The following PKD1 variants were observed in gnomAD, a reference collection of about 807,000 sequenced individuals.
PKD1 encodes polycystin 1, transient receptor potential channel interacting, also known as polycystin-1.
In PKD1, 81 loss-of-function variants were observed where a neutral mutation model predicts 361.7. That is an observed-to-expected ratio of 0.22 (90% CI 0.19 to 0.27). The LOEUF is 0.27. Among genes scored for constraint, PKD1 ranks in the 10% least tolerant of loss-of-function variants. The pLI, the probability that PKD1 is intolerant of heterozygous loss-of-function variation, is 1.00. For missense variants in PKD1, 6,399 were observed against 6,118.3 expected (o/e 1.05, Z -1.53); for synonymous variants, 3,615 against 2,818.3 (o/e 1.28, Z -8.95).
At position 2,111,447 on chromosome 16, in the gene PKD1, G is replaced by C. The variant is rs781168046; in HGVS notation, c.3720C>G (p.Asn1240Lys). ...VVSAAVQTGD[N>K]ITWTFDMGDG... ...CCCCCATGTCGAAGGTCCACGTGATGTTGTCGCCCGTCTGCACCGCGGCGC... is the reference window on the plus strand; with the variant it reads ...CCCCCATGTCGAAGGTCCACGTGATCTTGTCGCCCGTCTGCACCGCGGCGC... The change falls in exon 15 of 46, where the codon AAC (asparagine) becomes AAG (lysine). Residue 1240 changes from asparagine (N) to lysine (K), a missense_variant. Asn to Lys is a moderately conservative substitution (Grantham distance 94). Coordinates refer to ENST00000262304, the MANE Select transcript of PKD1 (RefSeq NM_001009944.3). 3 of 1,611,738 alleles carry C rather than the reference G, an allele frequency of 1.9e-6. No homozygotes were observed. Among genetic ancestry groups the C allele is most frequent in the Non-Finnish European group, 2.5e-6 (3 of 1,179,532 alleles).
intron 1 of PKD1, among the ~76,000 whole-genome samples, chr16:2,121,565 T>C (rs906178851): frequency 6.6e-6 from 1 of 152,034 alleles, no homozygotes; most frequent in African/African-American, 2.4e-5. Context: ...ATGTCTCTCT[T>C]TTCAGAGCTG....
In PKD1 at chr16:2,100,375, C is replaced by T; in HGVS notation, c.9568+21G>A. On this transcript the variant is annotated intron_variant, in intron 27 of 45. Transcript: ENST00000262304. This position sits in a 1 kb window ranked among gnomAD's most constrained non-coding sequence, Gnocchi z 4.4. ...CCAATGCGGGGGCAGAGGGGCAGAG[C>T]TTGGCAGGGTCCGCACAAACCTTTG... The T allele has an allele frequency of 1.5e-5, 24 of 1,611,188 alleles. No individual in the cohort carries two copies. Among genetic ancestry groups the T allele is most frequent in the Non-Finnish European group, 1.6e-5 (19 of 1,179,698 alleles).
rs752848157 is a variant in PKD1, at chr16:2,117,520, C to T, written c.1354G>A (p.Val452Met). Residue 452 changes from valine to methionine, a missense_variant, in exon 6 of 46, where the codon GTG (valine) becomes ATG (methionine). By Grantham distance (21) the Val-to-Met change is conservative. Transcript: ENST00000262304. ...AALAMVDSPA[V>M]QRFLVSRVTR... ...ACCCGGGAGACCAGGAAGCGCTGCA[C>T]GGCGGGACTGTCCACCATTGCCAGG... 3.6e-5 allele frequency: 57 copies of T among 1,584,302 alleles called. No homozygotes were observed. The highest frequency in any genetic ancestry group is 7.1e-5 in the Admixed American group (4 of 56,338).
chr16:2,108,162 G>T, intron 15 of PKD1, 90 bp downstream of exon 15: 2 of 1,471,516 alleles, frequency 1.4e-6, no homozygotes, highest in South Asian at 1.2e-5. Flanking sequence ...CACTGAGGAC[G>T]GGCCAGCCCT....
chr16:2,090,355 T>C lies in PKD1; in HGVS notation c.12374A>G (p.Gln4125Arg). ...GAACAACTCCACCATCTCGTAGTCC[T>C]GGGGCTCCCAGGCCGGCCGGTACAG... ...GELYRPAWEPQDYEMVELFLR... is the reference protein window; with the variant it reads ...GELYRPAWEPRDYEMVELFLR... The change falls in exon 45 of 46, where the codon CAG (glutamine) becomes CGG (arginine). Residue 4125 changes from glutamine (Q) to arginine (R), a missense_variant. By Grantham distance (43) the Gln-to-Arg change is conservative. Transcript: ENST00000262304. 3 of 1,612,562 alleles carry C rather than the reference T, an allele frequency of 1.9e-6. No individual in the cohort carries two copies. The East Asian group carries it at 6.7e-5, about 36-fold the overall frequency.
intron 34 of PKD1, among the ~76,000 whole-genome samples, chr16:2,094,439 G>A (rs1048590778): frequency 3.3e-5 from 5 of 152,130 alleles, no homozygotes; most frequent in Admixed American, 6.5e-5. Flanking sequence ...TCCCTCTCCC[G>A]CCCGCTTGCT....
chr16:2,111,266 G>T lies in PKD1; in HGVS notation c.3901C>A (p.Pro1301Thr). The T allele has an allele frequency of 6.2e-7, 1 of 1,609,870 alleles. No homozygotes were observed. Among genetic ancestry groups the T allele is most frequent in the Non-Finnish European group, 8.5e-7 (1 of 1,179,552 alleles). ...VFVLEVLRVE[P>T]AACIPTQPDA... is the part of the protein sequence containing the mutation. ...GGCTGCGTGGGGATGCAGGCGGCGG[G>T]TTCAACGCGCAGCACCTCCAGGACG... is the stretch of plus-strand genomic sequence containing the variant. The change falls in exon 15 of 46, where the codon CCC becomes ACC. Residue 1301 changes from proline (P) to threonine (T), a missense_variant. Physicochemically the swap from Pro to Thr is conservative, Grantham distance 38. Coordinates refer to ENST00000262304, the MANE Select transcript of PKD1 (RefSeq NM_001009944.3).
chr16:2,111,695 G>C lies in PKD1; in HGVS notation c.3472C>G (p.Leu1158Val), dbSNP rs1394517570. Residue 1158 changes from leucine (L) to valine (V), a missense_variant, in exon 15 of 46, where the codon CTT (leucine) becomes GTT (valine). Physicochemically the swap from Leu to Val is conservative, Grantham distance 32. Coordinates refer to ENST00000262304, the MANE Select transcript of PKD1 (RefSeq NM_001009944.3). ...CCGTCCCCGAAGTCCCACGTGTAAA[G>C]AACACCCCCAGGCGAGGGCAGCGGG... ...PHPLPSPGGV[L>V]YTWDFGDGSP... 2 of 1,582,614 alleles carry C rather than the reference G, an allele frequency of 1.3e-6. No homozygotes were observed. Among genetic ancestry groups the C allele is most frequent in the Admixed American group, 1.8e-5 (1 of 55,260 alleles).
At chr16:2,093,362 G>A in intron 37 of PKD1, 182 bp downstream of exon 37, 1 of 704,010 alleles carries the variant, frequency 1.4e-6, no homozygotes, top group Non-Finnish European at 2.4e-6. Flanking sequence ...GCCCTGGCAG[G>A]GACTGGGGCA....
In PKD1 at chr16:2,109,432, G is replaced by A. The variant is rs754982374; in HGVS notation, c.5735C>T (p.Ala1912Val). The A allele has an allele frequency of 2.5e-6, 4 of 1,604,514 alleles. No individual in the cohort carries two copies. Among genetic ancestry groups the A allele is most frequent in the East Asian group, 2.2e-5 (1 of 44,872 alleles). The change falls in exon 15 of 46, where the codon GCT becomes GTT. Residue 1912 changes from alanine to valine, a missense_variant. By Grantham distance (64) the Ala-to-Val change is moderately conservative. Transcript: ENST00000262304. ...GQLVHFQILL[A>V]AGSAVTFRLQ... Reference sequence around the variant, plus strand: ...GCGGAAGGTGACAGCTGAGCCGGCAGCCAGCAGGATCTGAAAATGGACCAG... The same window carrying A: ...GCGGAAGGTGACAGCTGAGCCGGCAACCAGCAGGATCTGAAAATGGACCAG...
chr16:2,088,860 C>G lies in PKD1; in HGVS notation c.*867G>C. The stretch of plus-strand genomic sequence containing the variant: ...CCTTGAGGCTGCCTGGGCCATACAG[C>G]ACACTCGCGCGTGCGCGCGCGCACA... On this transcript the variant is annotated 3_prime_UTR_variant, in exon 46 of 46. Coordinates refer to ENST00000262304, the MANE Select transcript of PKD1 (RefSeq NM_001009944.3). 1 of 555,230 alleles carries G rather than the reference C, an allele frequency of 1.8e-6. No homozygotes were observed. Among genetic ancestry groups the G allele is most frequent in the Non-Finnish European group, 3.2e-6 (1 of 313,402 alleles). The allele number at this position is 555,230 out of a possible 1,614,324, so 34.4% of individuals were successfully genotyped here.
chr16:2,102,413 C>T lies in PKD1; in HGVS notation c.9169G>A (p.Val3057Met), dbSNP rs778055216. ...ACAAAGCGGACATGGCTTGGGGGCA[C>T]GAAGAGGCTGGCGCCGAAGGCGGTG... The part of the protein sequence containing the change: ...HLTAFGASLF[V>M]PPSHVRFVFP... The change falls in exon 25 of 46, where the codon GTG becomes ATG. Residue 3057 changes from valine (V) to methionine (M), a missense_variant. Transcript: ENST00000262304. 3.8e-4 allele frequency: 586 copies of T among 1,556,374 alleles called. No homozygotes were observed. The highest frequency in any genetic ancestry group is 1.0e-3 in the Admixed American group (54 of 51,500).
rs751790528 is a variant in PKD1, at chr16:2,100,319, C to T, written c.9569-10G>A. 49 of 1,610,006 alleles carry T rather than the reference C, an allele frequency of 3.0e-5. No homozygotes were observed. Among genetic ancestry groups the T allele is most frequent in the Non-Finnish European group, 3.9e-5 (46 of 1,179,250 alleles). On this transcript the variant is annotated splice_polypyrimidine_tract_variant and intron_variant, in intron 27 of 45. Coordinates refer to ENST00000262304, the MANE Select transcript of PKD1 (RefSeq NM_001009944.3). The surrounding 1 kb of genome is among the most constrained non-coding windows in gnomAD (Gnocchi z 4.4). ...CAGGCAGGGCTGAGCCCTGCAGAGG[C>T]GCAGGAGGGAGGTCAGGCTCGCAGG...
chr16:2,110,775 C>T lies in PKD1; in HGVS notation c.4392G>A (p.Glu1464=), dbSNP rs374303034. ...CCTTGATGCTGGTGACCAGCACGGG[C>T]TCCTGCACCTCCACCAGGGCTGAGT... is the stretch of plus-strand genomic sequence containing the variant. ...ANDSALVEVQ[E]PVLVTSIKVN... is the part of the protein sequence containing the mutation. The change falls in exon 15 of 46, where the codon GAG becomes GAA. Residue 1464 remains glutamate (E), a synonymous_variant. Coordinates refer to ENST00000262304, the MANE Select transcript of PKD1 (RefSeq NM_001009944.3). 5.0e-6 allele frequency: 8 copies of T among 1,610,816 alleles called. No individual in the cohort carries two copies. The highest frequency in any genetic ancestry group is 1.3e-5 in the African/African-American group (1 of 74,872).
intron 1 of PKD1, among the ~76,000 whole-genome samples, chr16:2,124,033 G>A (rs1387827804): frequency 1.3e-5 from 2 of 152,164 alleles, no homozygotes; most frequent in Non-Finnish European, 2.9e-5. Context: ...GCTCCTTAGC[G>A]GCTGCTGGGG....
At position 2,092,446 on chromosome 16, in the gene PKD1, G is replaced by T. The variant is rs530595186; in HGVS notation, c.11269+34C>A. On this transcript the variant is annotated intron_variant, in intron 39 of 45. Coordinates refer to ENST00000262304, the MANE Select transcript of PKD1 (RefSeq NM_001009944.3). ...AGGCTGCTCTCTCAACAAGAGGAAC[G>T]ATTTAAGTCTTGGGGCACGCCCTGC... is the stretch of plus-strand genomic sequence containing the variant. 4 of 1,400,768 alleles carry T rather than the reference G, an allele frequency of 2.9e-6. No individual in the cohort carries two copies. The East Asian group carries it at 9.2e-5, about 32-fold the overall frequency. The allele number at this position is 1,400,768 out of a possible 1,614,324, so 86.8% of individuals were successfully genotyped here.
chr16:2,101,380 G>C (rs1386805892), intron 26 of PKD1, among the ~76,000 whole-genome samples: 1 of 152,146 alleles, frequency 6.6e-6, no homozygotes, highest in Non-Finnish European at 1.5e-5. Context: ...AGGTGTGGTG[G>C]CTCACACCTG....
Position 2,100,531 on chromosome 16 carries a change from C to T in PKD1, c.9433G>A (p.Val3145Met), listed in dbSNP as rs751313116. 2 of 1,610,498 alleles carry T rather than the reference C, an allele frequency of 1.2e-6. No homozygotes were observed. Among genetic ancestry groups the T allele is most frequent in the South Asian group, 2.2e-5 (2 of 90,976 alleles). The change falls in exon 27 of 46, where the codon GTG (valine) becomes ATG (methionine). Residue 3145 changes from valine (V) to methionine (M), a missense_variant. Physicochemically the swap from Val to Met is conservative, Grantham distance 21 (BLOSUM62 1). Coordinates refer to ENST00000262304, the MANE Select transcript of PKD1 (RefSeq NM_001009944.3). This position sits in a 1 kb window ranked among gnomAD's most constrained non-coding sequence, Gnocchi z 4.4. ...TGCCGGTGGCCGCTCCGGCTGTCCACCCCATACAGCATGATGCCCACGTGG... is the reference window on the plus strand; with the variant it reads ...TGCCGGTGGCCGCTCCGGCTGTCCATCCCATACAGCATGATGCCCACGTGG... ...TAHVGIMLYG[V>M]DSRSGHRHLD...
Position 2,097,450 on chromosome 16 carries a change from C to T in PKD1, c.10274G>A (p.Ser3425Asn). The change falls in exon 33 of 46, where the codon AGT (serine) becomes AAT (asparagine). Residue 3425 changes from serine (S) to asparagine (N), a missense_variant. Physicochemically the swap from Ser to Asn is conservative, Grantham distance 46. Transcript: ENST00000262304. ...EGTLSWPDLL[S>N]DPSIVGSNLR... ...ATTGCTACCCACAATGGACGGGTCA[C>T]TGAGCAGGTCCGGCCAACTGAGCGT... The T allele has an allele frequency of 6.2e-7, 1 of 1,605,830 alleles. No homozygotes were observed. The highest frequency in any genetic ancestry group is 8.5e-7 in the Non-Finnish European group (1 of 1,179,954).
Sources: allele counts gnomAD v4.1 joint callset (sites outside exome capture counted in the v4.1 genomes callset), GRCh38; gene constraint gnomAD v4.1.1; non-coding constraint Gnocchi (gnomAD v3.1); transcripts MANE v1.5; gene names NCBI Gene and HGNC (gene_info 2026-07-23, HGNC 2026-07-21).